Variants in ADPGK observed in about 807,000 individuals in gnomAD.
ADPGK encodes ADP dependent glucokinase, also known as ADP-dependent glucokinase.
A neutral mutation model predicts 42.4 loss-of-function variants in ADPGK; 26 were observed. The observed-to-expected ratio is 0.61, with a 90% CI of 0.45 to 0.85. The LOEUF (loss-of-function observed/expected upper bound fraction) is 0.85. ADPGK is among the 40% of genes least tolerant of loss of function. The pLI is 0.00. For synonymous variants in ADPGK, 267 were observed against 252.6 expected (o/e 1.06, Z -0.54); for missense variants, 571 against 627.0 (o/e 0.91, Z 0.95).
intron 4 of ADPGK, among the ~76,000 whole-genome samples, chr15:72,759,015 T>C (rs1357567973): frequency 6.6e-6 from 1 of 152,232 alleles, no homozygotes; most frequent in Non-Finnish European, 1.5e-5. Context: ...CTCAGTTCAC[T>C]GCAACCTCCG....
intron 3 of ADPGK, among the ~76,000 whole-genome samples, chr15:72,770,020 CTAGTTCTTAATCTCTG>C (rs2151085659): frequency 6.6e-6 from 1 of 152,314 alleles, no homozygotes; most frequent in South Asian, 2.1e-4. Context: ...TGGAAAATAC[CTAGTTCTTAATCTCTG>C]TAGTTCTCAG....
chr15:72,766,411 A>AC (rs1237440866), intron 3 of ADPGK, among the ~76,000 whole-genome samples: 4 of 152,154 alleles, frequency 2.6e-5, no homozygotes, highest in Non-Finnish European at 4.4e-5. Flanking sequence ...TGCCACAGCC[A>AC]CCCCAAGCTT....
Position 72,752,531 on chromosome 15 carries a change from G to A in ADPGK, c.1304C>T (p.Thr435Ile). ...CCTGGAGCCTGCCTCCGAATGGGAA[G>A]TCATGAACTCTTGGGGTGCCCTCAG... The part of the protein sequence containing the change: ...VSLRAPQEFM[T>I]SHSEAGSRIV... The change falls in exon 7 of 7, where the codon ACT (threonine) becomes ATT (isoleucine). Residue 435 changes from threonine to isoleucine, a missense_variant. This residue lies in a region of ADPGK where 434 missense variants were observed against 522.7 expected (regional missense o/e 0.83). Coordinates refer to ENST00000456471, the MANE Select transcript of ADPGK (RefSeq NM_001365225.1). The A allele has an allele frequency of 1.2e-6, 2 of 1,614,224 alleles. No individual in the cohort carries two copies. The highest frequency in any genetic ancestry group is 2.2e-5 in the South Asian group (2 of 91,082).
intron 6 of ADPGK, among the ~76,000 whole-genome samples, chr15:72,754,930 G>C (rs2066092539): frequency 6.6e-6 from 1 of 152,198 alleles, no homozygotes; most frequent in Admixed American, 6.5e-5. Context: ...TGCAAGTAGG[G>C]AAGGGGAGGA....
intron 4 of ADPGK, chr15:72,757,311 A>T (rs1361908389): frequency 6.7e-6 from 1 of 148,642 alleles, no homozygotes; most frequent in Admixed American, 6.9e-5. Context: ...GGTTCAAGCG[A>T]TTCTCCTGCC....
rs2066046142 is a variant in ADPGK, at chr15:72,751,576, G to A, written c.*765C>T. The stretch of plus-strand genomic sequence containing the variant: ...GTTGTAAAAAACAAATTCCTTGAAG[G>A]CTCAGAACGAACAAAAATCAGTCTT... On this transcript the variant is annotated 3_prime_UTR_variant, in exon 7 of 7. Transcript: ENST00000456471. The A allele has an allele frequency of 6.6e-6, 1 of 152,596 alleles. No homozygotes were observed. The highest frequency in any genetic ancestry group is 2.4e-5 in the African/African-American group (1 of 41,424). 9.5% of individuals were successfully genotyped at this position (152,596 alleles called of 1,614,324 possible). A position where few individuals can be genotyped will look rare whatever the true frequency, so the allele number is the denominator to read the frequency against.
chr15:72,765,355 G>A (rs1158572103), intron 3 of ADPGK, among the ~76,000 whole-genome samples: 1 of 152,140 alleles, frequency 6.6e-6, no homozygotes, highest in Non-Finnish European at 1.5e-5. Context: ...TAACCACATT[G>A]GCCAGACTGG....
At chr15:72,775,164 A>C in intron 1 of ADPGK, 67 bp from the exon 2 acceptor site, 1 of 1,365,024 alleles carries the variant, frequency 7.3e-7, no homozygotes, top group South Asian at 1.2e-5. Context: ...CATTTAACAA[A>C]AGGAAAATGT....
chr15:72,763,067 G>T (rs2066214697), intron 3 of ADPGK, among the ~76,000 whole-genome samples: 1 of 152,174 alleles, frequency 6.6e-6, no homozygotes, highest in Non-Finnish European at 1.5e-5. Context: ...GAACCTGAAA[G>T]AATTTATCAC....
intron 2 of ADPGK, among the ~76,000 whole-genome samples, chr15:72,772,801 A>T (rs2066344675): frequency 6.6e-6 from 1 of 152,168 alleles, no homozygotes; most frequent in Non-Finnish European, 1.5e-5. Flanking sequence ...TTTCCCTTAA[A>T]CACCACATCT....
intron 4 of ADPGK, among the ~76,000 whole-genome samples, chr15:72,759,196 A>G (rs1262675490): frequency 1.3e-5 from 2 of 152,200 alleles, no homozygotes; most frequent in Non-Finnish European, 2.9e-5. Context: ...TCAGCCTCAC[A>G]AAGTTCTGGG....
At chr15:72,772,828 G>A (rs370025038) in intron 2 of ADPGK, among the ~76,000 whole-genome samples, 5 of 152,104 alleles carry the variant, frequency 3.3e-5, no homozygotes, top group African/African-American at 1.2e-4. Context: ...TGAGGACCTG[G>A]AGAACAAATA....
intron 2 of ADPGK, among the ~76,000 whole-genome samples, chr15:72,773,197 G>C (rs1161251821): frequency 1.3e-5 from 2 of 152,194 alleles, no homozygotes; most frequent in Middle Eastern, 3.4e-3. Flanking sequence ...ACATTCAAAG[G>C]CATCCTGGGC....
rs1285408424 is a variant in ADPGK at position 72,751,391 on chromosome 15, A to G, written c.*950T>C. ...ATTCCTGAAATGTAAATTGTTTTTA[A>G]TATATTTAAGAGCACACAGAAGTCT... On this transcript the variant is annotated 3_prime_UTR_variant, in exon 7 of 7. Transcript: ENST00000456471. 1.3e-5 allele frequency: 2 copies of G among 152,654 alleles called. No homozygotes were observed. The highest frequency in any genetic ancestry group is 4.8e-5 in the African/African-American group (2 of 41,446). 9.5% of individuals were successfully genotyped at this position (152,654 alleles called of 1,614,324 possible).
chr15:72,763,393 G>A (rs563132917), intron 3 of ADPGK, among the ~76,000 whole-genome samples: 21 of 143,732 alleles, frequency 1.5e-4, no homozygotes, highest in Non-Finnish European at 2.2e-4. Context: ...ACCTGACCAC[G>A]CCAGGCTGGT....
intron 1 of ADPGK, among the ~76,000 whole-genome samples, chr15:72,775,379 T>C (rs2066379231): frequency 6.6e-6 from 1 of 152,214 alleles, no homozygotes; most frequent in Non-Finnish European, 1.5e-5. Flanking sequence ...ACAAAGCTAC[T>C]GTAACAAAAA....
At chr15:72,754,359 C>T (rs1262857981) in intron 6 of ADPGK, among the ~76,000 whole-genome samples, 2 of 152,092 alleles carry the variant, frequency 1.3e-5, no homozygotes, top group African/African-American at 2.4e-5. Flanking sequence ...ACCATTTTTT[C>T]ATCTGTCAGA....
At chr15:72,778,035 G>A (rs974958263) in intron 1 of ADPGK, among the ~76,000 whole-genome samples, 2 of 152,042 alleles carry the variant, frequency 1.3e-5, no homozygotes, top group Non-Finnish European at 2.9e-5. Context: ...GATCACTTGA[G>A]CCTAGGAGTT....
intron 3 of ADPGK, among the ~76,000 whole-genome samples, chr15:72,767,924 C>A (rs1276130319): frequency 6.6e-6 from 1 of 151,988 alleles, no homozygotes; most frequent in Non-Finnish European, 1.5e-5. Context: ...CAAGTCAAAT[C>A]TGAAGCAAGC....
Sources: gnomAD v4.1 joint callset for allele counts (sites outside exome capture counted in the v4.1 genomes callset) on GRCh38, gnomAD v4.1.1 for gene constraint, gnomAD v4.1.1 regional missense constraint, MANE v1.5 for transcripts, NCBI Gene and HGNC (gene_info 2026-07-23, HGNC 2026-07-21) for gene names.